Variants in SCFD1 observed in about 807,000 individuals in gnomAD.
SCFD1 encodes the protein sec1 family domain containing 1, also known as sec1 family domain-containing protein 1.
Under a neutral mutation model 103.2 loss-of-function variants are expected in SCFD1, and 37 were observed. That is an observed-to-expected ratio of 0.36 (90% confidence interval 0.28 to 0.47). The LOEUF (loss-of-function observed/expected upper bound fraction) is 0.47, where lower values mean the gene tolerates loss of function less well. SCFD1 is among the 20% of genes least tolerant of loss of function. The pLI, the probability that SCFD1 is intolerant of heterozygous loss-of-function variation, is 1.00. For missense variants in SCFD1, 639 were observed against 761.2 expected (o/e 0.84, Z 1.89); for synonymous variants, 264 against 245.0 (o/e 1.08, Z -0.73).
intron 22 of SCFD1, 106 bp from the exon 23 acceptor site, chr14:30,722,388 A>G (rs537822981): frequency 2.8e-6 from 2 of 707,278 alleles, no homozygotes; most frequent in South Asian, 4.2e-5. Context: ...AAATAGCATC[A>G]GGGGCTTAGA....
In SCFD1 at chr14:30,670,088, A is replaced by C. The variant is rs76859965; in HGVS notation, c.856-168A>C. The stretch of plus-strand genomic sequence containing the variant: ...ATTTTAATATACATCTAATACTTTC[A>C]TTAAAATACAGAAACAAAATTACAT... On this transcript the variant is annotated intron_variant, in intron 10 of 24. Coordinates refer to ENST00000458591, the MANE Select transcript of SCFD1 (RefSeq NM_016106.4). 1,094 of 574,908 alleles carry C rather than the reference A, an allele frequency of 1.9e-3. 10 individuals carry two copies. The highest frequency in any genetic ancestry group is 0.019 in the African/African-American group (957 of 51,092). 35.6% of individuals were successfully genotyped at this position (574,908 alleles called of 1,614,324 possible). A position where few individuals can be genotyped will look rare whatever the true frequency, so the allele number is the denominator to read the frequency against.
chr14:30,730,033 G>A (rs184257690), intron 23 of SCFD1, among the ~76,000 whole-genome samples: 4 of 151,986 alleles, frequency 2.6e-5, no homozygotes, highest in Admixed American at 6.6e-5. Context: ...TACAGGTCCC[G>A]GTGTGTGATG....
rs574704209 is a variant in SCFD1, at chr14:30,694,671, A to G, written c.1243-102A>G. On this transcript the variant is annotated intron_variant, in intron 14 of 24. Transcript: ENST00000458591. ...ACTTTTGACCTGTCTGAAAGAACATATCTTAAAATTGATCATAGAAAATAG... is the reference window on the plus strand; with the variant it reads ...ACTTTTGACCTGTCTGAAAGAACATGTCTTAAAATTGATCATAGAAAATAG... 70 of 1,399,020 alleles carry G rather than the reference A, an allele frequency of 5.0e-5. 1 individual carries two copies. In the African/African-American group the frequency reaches 8.3e-4, roughly 17 times the overall value. The allele number at this position is 1,399,020 out of a possible 1,614,324, so 86.7% of individuals were successfully genotyped here. A position where few individuals can be genotyped will look rare whatever the true frequency, so the allele number is the denominator to read the frequency against.
intron 14 of SCFD1, among the ~76,000 whole-genome samples, chr14:30,684,803 CTTTTT>C (rs780577178): frequency 9.1e-5 from 5 of 54,884 alleles, no homozygotes; most frequent in East Asian, 6.3e-4. Context: ...GCAATTGTTT[CTTTTT>C]TTTTTTTTTT....
At chr14:30,724,451 C>A (rs550658849) in intron 23 of SCFD1, among the ~76,000 whole-genome samples, 28 of 151,838 alleles carry the variant, frequency 1.8e-4, no homozygotes, top group Non-Finnish European at 3.8e-4. Context: ...CGGAGTTACA[C>A]CACGTTGGCC....
intron 12 of SCFD1, 134 bp downstream of exon 12, chr14:30,673,481 C>T (rs913052146): frequency 1.3e-5 from 6 of 473,130 alleles, no homozygotes; most frequent in Middle Eastern, 5.7e-4. Context: ...TTTCAACTTG[C>T]GTAAGTGATC....
At chr14:30,669,742 ACTCT>A (rs1357003641) in intron 10 of SCFD1, 2 of 152,108 alleles carry the variant, frequency 1.3e-5, no homozygotes, top group African/African-American at 4.8e-5. Flanking sequence ...CAGAATGTTG[ACTCT>A]CTAAGAGTTT....
At chr14:30,656,521 C>T (rs1886919733) in intron 10 of SCFD1, among the ~76,000 whole-genome samples, 1 of 152,124 alleles carries the variant, frequency 6.6e-6, no homozygotes, top group African/African-American at 2.4e-5. Flanking sequence ...GCCAGTGGAA[C>T]TCCCTCAGTT....
At chr14:30,639,916 ACTGT>A in intron 6 of SCFD1, 52 bp downstream of exon 6, 1 of 1,515,826 alleles carries the variant, frequency 6.6e-7, no homozygotes, top group Admixed American at 2.2e-5. Context: ...TGAATGGTAT[ACTGT>A]AAGAAAAAAA....
At chr14:30,636,446 G>A (rs179344) in intron 4 of SCFD1, among the ~76,000 whole-genome samples, 7 of 151,934 alleles carry the variant, frequency 4.6e-5, no homozygotes, top group African/African-American at 1.7e-4. Flanking sequence ...TTTTGCATGT[G>A]GCTATCCAGT....
At chr14:30,722,714 CCTATT>C in intron 23 of SCFD1, 155 bp downstream of exon 23, 1 of 418,534 alleles carries the variant, frequency 2.4e-6, no homozygotes, top group Non-Finnish European at 4.2e-6. Flanking sequence ...TTATTGTTTT[CCTATT>C]CCTGTCACAT....
intron 6 of SCFD1, among the ~76,000 whole-genome samples, chr14:30,642,084 T>C (rs1003096295): frequency 1.2e-4 from 19 of 152,270 alleles, no homozygotes; most frequent in South Asian, 1.2e-3. Flanking sequence ...GTCAAAATTA[T>C]AGGTTGTTCC....
chr14:30,681,943 T>C (rs1889518924), intron 14 of SCFD1, among the ~76,000 whole-genome samples: 1 of 152,206 alleles, frequency 6.6e-6, no homozygotes, highest in South Asian at 2.1e-4. Flanking sequence ...TAGCCAAGTC[T>C]ATCGCCCTCT....
intron 10 of SCFD1, among the ~76,000 whole-genome samples, chr14:30,654,177 T>A (rs1034906495): frequency 8.5e-5 from 13 of 152,204 alleles, no homozygotes; most frequent in African/African-American, 3.1e-4. Flanking sequence ...AGAAAATAGG[T>A]ACACAAATAA....
intron 19 of SCFD1, among the ~76,000 whole-genome samples, chr14:30,713,021 C>T (rs562502124): frequency 6.6e-6 from 1 of 152,164 alleles, no homozygotes; most frequent in South Asian, 2.1e-4. Flanking sequence ...TTTCCATGTG[C>T]TAATATGTTA....
rs777310977 is a variant in SCFD1, at chr14:30,643,582, G to C, written c.613+177G>C. ...ACAATTCTTCCAATAACTTGATGTG[G>C]TTCTCTTAACATTTAACAGATCTAT... On this transcript the variant is annotated intron_variant, in intron 7 of 24. Transcript: ENST00000458591. Among the ~76,000 whole-genome samples the C allele has an allele frequency of 6.3e-4, 96 of 152,184 alleles. 2 individuals are homozygous for C. The highest frequency in any genetic ancestry group is 6.2e-4 in the South Asian group (3 of 4,816).
At chr14:30,680,211 T>C (rs1176771812) in intron 14 of SCFD1, among the ~76,000 whole-genome samples, 2 of 152,190 alleles carry the variant, frequency 1.3e-5, no homozygotes, top group Admixed American at 1.3e-4. Flanking sequence ...TTTAATAGGT[T>C]CATAAAGATT....
chr14:30,681,127 A>G (rs1042312429), intron 14 of SCFD1, among the ~76,000 whole-genome samples: 1 of 151,802 alleles, frequency 6.6e-6, no homozygotes, highest in African/African-American at 2.4e-5. Flanking sequence ...AGGCTGAGGC[A>G]TGAGAATTGC....
intron 4 of SCFD1, chr14:30,634,746 G>A (rs969838047): frequency 2.2e-5 from 10 of 452,310 alleles, no homozygotes; most frequent in East Asian, 6.9e-5. Flanking sequence ...CTGATCATTC[G>A]TCTTTAGTTT....
Sources: allele counts gnomAD v4.1 joint callset (sites outside exome capture counted in the v4.1 genomes callset), GRCh38; gene constraint gnomAD v4.1.1; transcripts MANE v1.5; gene names NCBI Gene and HGNC (gene_info 2026-07-23, HGNC 2026-07-21).